Variants in ABCA9 observed in about 807,000 individuals in gnomAD.
ABCA9 encodes ATP binding cassette subfamily A member 9.
Under a neutral mutation model 205.3 loss-of-function variants are expected in ABCA9, and 183 were observed. That is an observed-to-expected ratio of 0.89 (90% CI 0.79 to 1.01). ABCA9 has a LOEUF of 1.01. Among genes scored for constraint, ABCA9 ranks in the 50% least tolerant of loss-of-function variants. The pLI is 0.00. For synonymous variants in ABCA9, 651 were observed against 683.3 expected (o/e 0.95, Z 0.74); for missense variants, 1,805 against 1,912.4 (o/e 0.94, Z 1.05).
chr17:69,021,696 CCTTT>C lies in ABCA9; in HGVS notation c.2401+42_2401+45del, dbSNP rs545306848. 3.2e-3 allele frequency: 3,871 copies of C among 1,222,344 alleles called. 16 individuals carry two copies. Among genetic ancestry groups the C allele is most frequent in the South Asian group, 5.7e-3 (389 of 67,790 alleles). 75.7% of individuals were successfully genotyped at this position (1,222,344 alleles called of 1,614,324 possible). The stretch of plus-strand genomic sequence containing the variant: ...TTCTTTCGTCCTTCCTTCCTTCCTT[CCTTT>C]CTTTCTTTCTCCCTTTCTTTCTCTT... On this transcript the variant is annotated intron_variant, in intron 18 of 38. Transcript: ENST00000340001.
intron 23 of ABCA9, among the ~76,000 whole-genome samples, chr17:69,009,770 A>AGAAAGATTCCATAAATATTTC (rs1423899390): frequency 2.0e-4 from 30 of 152,296 alleles, no homozygotes; most frequent in African/African-American, 6.7e-4. Flanking sequence ...AAAACTTTCT[A>AGAAAGATTCCATAAATATTTC]GAAAGATTCC....
intron 25 of ABCA9, among the ~76,000 whole-genome samples, chr17:69,006,303 T>C (rs2070124184): frequency 6.6e-6 from 1 of 152,214 alleles, no homozygotes; most frequent in South Asian, 2.1e-4. Flanking sequence ...TCTCAAGATA[T>C]ACACACACAT....
rs183948414 is a variant in ABCA9, at chr17:68,990,223, C to T, written c.3838-293G>A. Among the ~76,000 whole-genome samples the T allele has an allele frequency of 6.6e-5, 10 of 152,308 alleles. No homozygotes were observed. The South Asian group carries it at 8.3e-4, about 13-fold the overall frequency. ...AAACAATCATGCACACAAACACACA[C>T]GCACCGCAGACAAGCTCTCTCTCAG... On this transcript the variant is annotated intron_variant, in intron 29 of 38. Transcript: ENST00000340001.
intron 3 of ABCA9, among the ~76,000 whole-genome samples, chr17:69,046,864 G>T (rs2071722987): frequency 7.5e-6 from 1 of 133,504 alleles, no homozygotes; most frequent in Admixed American, 7.8e-5. Context: ...TTGCCTGAAG[G>T]CGATTTTATA....
At chr17:69,042,209 T>C (rs531243722) in intron 6 of ABCA9, 3 of 152,334 alleles carry the variant, frequency 2.0e-5, no homozygotes, top group Non-Finnish European at 4.4e-5. Context: ...AAGCTCCCCA[T>C]ATCTCCATCA....
At chr17:69,064,377 T>G (rs1280520110), upstream of ABCA9, among the ~76,000 whole-genome samples, 1 of 152,204 alleles carries the variant, frequency 6.6e-6, no homozygotes, top group African/African-American at 2.4e-5. Flanking sequence ...ATATAAAAAA[T>G]CAGCCTATGT....
At chr17:69,044,447 C>T (rs1442268106) in intron 5 of ABCA9, 50 bp downstream of exon 5, 2 of 1,495,360 alleles carry the variant, frequency 1.3e-6, no homozygotes, top group Admixed American at 1.7e-5. Context: ...AATCACCATC[C>T]AGCAAAATTC....
In ABCA9 at chr17:69,060,847, AT is replaced by A. The variant is rs757856113; in HGVS notation, c.-14+18del. The A allele has an allele frequency of 1.2e-5, 12 of 984,978 alleles. No individual in the cohort carries two copies. The highest frequency in any genetic ancestry group is 3.5e-5 in the African/African-American group (2 of 57,244). The allele number at this position is 984,978 out of a possible 1,614,324, so 61.0% of individuals were successfully genotyped here. ...TATTTCTATATGCAAAATAACCACA[AT>A]TTTAGAGGTTAACTTACTCTCAGGA... On this transcript the variant is annotated intron_variant, in intron 1 of 38. Transcript: ENST00000340001.
Position 69,007,904 on chromosome 17 carries a change from T to C in ABCA9, c.3322-32A>G, listed in dbSNP as rs934498159. 5 of 1,494,268 alleles carry C rather than the reference T, an allele frequency of 3.3e-6. No homozygotes were observed. In the African/African-American group the frequency reaches 7.0e-5, roughly 21 times the overall value. 92.6% of individuals were successfully genotyped at this position (1,494,268 alleles called of 1,614,324 possible). Reference sequence around the variant, plus strand: ...ACAGAAATGTTAAGGTCCAATAAGGTAAATACTATCTAGAAGAGTACTCAT... The same window carrying C: ...ACAGAAATGTTAAGGTCCAATAAGGCAAATACTATCTAGAAGAGTACTCAT... On this transcript the variant is annotated intron_variant, in intron 24 of 38. Coordinates refer to ENST00000340001, the MANE Select transcript of ABCA9 (RefSeq NM_080283.4).
At chr17:68,992,342 A>C in intron 27 of ABCA9, 76 bp from the exon 28 acceptor site, 2 of 945,118 alleles carry the variant, frequency 2.1e-6, no homozygotes, top group Non-Finnish European at 1.5e-6. Flanking sequence ...TGATTTAAAG[A>C]GTTTGATTAT....
chr17:69,065,293 T>C (rs1297818822), upstream of ABCA9, among the ~76,000 whole-genome samples: 4 of 152,244 alleles, frequency 2.6e-5, no homozygotes. Flanking sequence ...CTTGGAAGTT[T>C]ATTAGATATT....
the ABCA9 span, among the ~76,000 whole-genome samples, chr17:69,074,573 T>C: frequency 6.6e-6 from 1 of 152,228 alleles, no homozygotes; most frequent in African/African-American, 2.4e-5. Flanking sequence ...GCAAAGGACA[T>C]GATTTTGTTC....
rs779245030 is a variant in ABCA9, at chr17:68,985,057, C to T, written c.4280G>A (p.Arg1427Gln). ...PVKTLSEGIK[R>Q]KLCFVLSILG... The stretch of plus-strand genomic sequence containing the variant: ...AACAACAAGCCCTGCCCGTACCTTT[C>T]GCTTTATTCCCTCTGACAAGGTCTT... The change falls in exon 33 of 39, where the codon CGA becomes CAA. Residue 1427 changes from arginine to glutamine, a missense_variant. Arg to Gln is a conservative substitution (Grantham distance 43, BLOSUM62 1). Transcript: ENST00000340001. 6 of 1,614,232 alleles carry T rather than the reference C, an allele frequency of 3.7e-6. No individual in the cohort carries two copies. Among genetic ancestry groups the T allele is most frequent in the South Asian group, 1.1e-5 (1 of 91,086 alleles).
chr17:69,038,293 A>C (rs1365105950), intron 6 of ABCA9, among the ~76,000 whole-genome samples: 1 of 152,240 alleles, frequency 6.6e-6, no homozygotes, highest in Non-Finnish European at 1.5e-5. Context: ...AATATTCCTG[A>C]TGAACATTGA....
intron 25 of ABCA9, among the ~76,000 whole-genome samples, chr17:69,000,342 T>G (rs1299510911): frequency 2.0e-5 from 3 of 150,268 alleles, no homozygotes; most frequent in Non-Finnish European, 4.5e-5. Flanking sequence ...GCTTTCTACA[T>G]ATGGCTAGCC....
At chr17:68,999,260 A>G (rs1437366469) in intron 25 of ABCA9, among the ~76,000 whole-genome samples, 2 of 129,134 alleles carry the variant, frequency 1.5e-5, no homozygotes, top group Non-Finnish European at 3.3e-5. Context: ...ATATCTCCCA[A>G]TGCTATCCCT....
intron 37 of ABCA9, among the ~76,000 whole-genome samples, chr17:68,977,466 A>G (rs890191039): frequency 1.3e-5 from 2 of 152,188 alleles, no homozygotes; most frequent in African/African-American, 4.8e-5. Context: ...GAGAGGCCCA[A>G]AACATTCGTT....
Position 68,976,177 on chromosome 17 carries a change from G to C in ABCA9, c.4734C>G (p.Phe1578Leu). 6.2e-7 allele frequency: 1 copy of C among 1,613,792 alleles called. No individual in the cohort carries two copies. Among genetic ancestry groups the C allele is most frequent in the Non-Finnish European group, 8.5e-7 (1 of 1,179,862 alleles). The change falls in exon 38 of 39, where the codon TTC becomes TTG. Residue 1578 changes from phenylalanine (F) to leucine (L), a missense_variant. Physicochemically the swap from Phe to Leu is conservative, Grantham distance 22. Transcript: ENST00000340001. ...FFKLEIVKQS[F>L]DLEEYSLSQS... ...GTGAGAGGCTGTACTCCTCCAGGTC[G>C]AAACTCTGTTTAACTGCATAAGAAT...
At chr17:69,035,859 C>A in intron 6 of ABCA9, 58 bp from the exon 7 acceptor site, 1 of 1,539,378 alleles carries the variant, frequency 6.5e-7, no homozygotes, top group Non-Finnish European at 8.8e-7. Flanking sequence ...TTCCTTGATT[C>A]ATTTATTCAG....
Sources: allele counts gnomAD v4.1 joint callset (sites outside exome capture counted in the v4.1 genomes callset), GRCh38; gene constraint gnomAD v4.1.1; transcripts MANE v1.5; gene names NCBI Gene and HGNC (gene_info 2026-07-23, HGNC 2026-07-21).